Variants in CFAP74 observed in about 807,000 individuals in gnomAD.
The protein encoded by CFAP74 is cilia- and flagella-associated protein 74.
Under a neutral mutation model 188.9 loss-of-function variants are expected in CFAP74, and 124 were observed. The ratio of observed to expected loss-of-function variants is 0.66; its 90% CI spans 0.57 to 0.76. The LOEUF (loss-of-function observed/expected upper bound fraction) is 0.76, where lower values mean the gene tolerates loss of function less well. Ranked by LOEUF, CFAP74 falls within the 30% of genes least tolerant of loss-of-function variation. The pLI is 0.00. For missense variants in CFAP74, 2,198 were observed against 2,165.2 expected (o/e 1.02, Z -0.30); for synonymous variants, 956 against 916.7 (o/e 1.04, Z -0.77).
At chr1:1,991,867 A>G (rs6605078) in intron 1 of CFAP74, among the ~76,000 whole-genome samples, 137,036 of 151,492 alleles carry the variant, frequency 0.9, 62,200 homozygotes, top group African/African-American at 0.97. Context: ...GTGAAACCCC[A>G]TCTCTACTAA....
intron 1 of CFAP74, among the ~76,000 whole-genome samples, chr1:2,002,683 T>A (rs556761279): frequency 8.7e-5 from 13 of 150,158 alleles, no homozygotes; most frequent in African/African-American, 3.2e-4. Flanking sequence ...AAAACAAAAA[T>A]TTAAAGAATA....
rs137997736 is a variant in CFAP74, at chr1:1,923,136, C to G, written c.4532G>C (p.Arg1511Pro). The G allele has an allele frequency of 6.2e-7, 1 of 1,608,048 alleles. No individual in the cohort carries two copies. Among genetic ancestry groups the G allele is most frequent in the African/African-American group, 1.3e-5 (1 of 74,578 alleles). The change falls in exon 37 of 39, where the codon CGG becomes CCG. Residue 1511 changes from arginine to proline, a missense_variant. Transcript: ENST00000682832. This position sits in a 1 kb window ranked among gnomAD's most constrained non-coding sequence, Gnocchi z 6.3. ...FDPRHREASS[R>P]PGPLSPEAEE... The stretch of plus-strand genomic sequence containing the variant: ...AGCTTCTGGAGAGAGAGGGCCTGGC[C>G]GGGAGCTGGCTGGAGGGGTGTGGCC...
chr1:1,974,084 C>G lies in CFAP74; in HGVS notation c.615G>C (p.Gln205His). Residue 205 changes from glutamine (Q) to histidine (H), a missense_variant, in exon 7 of 39, where the codon CAG becomes CAC. By Grantham distance (24) the Gln-to-His change is conservative. Transcript: ENST00000682832. ...GRRLQVRAAE[Q>H]LCREQEALGK... ...CCAGGGCCTCCTGCTCTCTGCAGAGCTGCTCGGCTGCGCGCACCTGGAGCC... is the reference window on the plus strand; with the variant it reads ...CCAGGGCCTCCTGCTCTCTGCAGAGGTGCTCGGCTGCGCGCACCTGGAGCC... 6.2e-7 allele frequency: 1 copy of G among 1,611,932 alleles called. No individual in the cohort carries two copies. The highest frequency in any genetic ancestry group is 8.5e-7 in the Non-Finnish European group (1 of 1,178,902).
chr1:1,967,028 G>A (rs1407262682), intron 11 of CFAP74, among the ~76,000 whole-genome samples: 1 of 152,118 alleles, frequency 6.6e-6, no homozygotes, highest in Non-Finnish European at 1.5e-5. Flanking sequence ...AGTAGAGATG[G>A]GGTTTCACTA....
intron 1 of CFAP74, among the ~76,000 whole-genome samples, chr1:2,000,118 C>T (rs919334944): frequency 1.3e-5 from 2 of 151,292 alleles, no homozygotes; most frequent in Non-Finnish European, 2.9e-5. Flanking sequence ...GAGCTGAGAT[C>T]GTGCCACTGC....
At chr1:1,969,774 C>T (rs552341620) in intron 10 of CFAP74, among the ~76,000 whole-genome samples, 16 of 152,160 alleles carry the variant, frequency 1.1e-4, no homozygotes, top group East Asian at 1.9e-4. Context: ...GTGGGGAGGA[C>T]GCACTCAGGG....
At chr1:1,947,440 G>C (rs1558012926) in intron 18 of CFAP74, among the ~76,000 whole-genome samples, 2 of 152,222 alleles carry the variant, frequency 1.3e-5, no homozygotes. Flanking sequence ...GTAGCGTACT[G>C]TTCCCTACGG....
Position 1,973,990 on chromosome 1 carries a change from G to A in CFAP74, c.674+35C>T. 1 of 1,497,192 alleles carries A rather than the reference G, an allele frequency of 6.7e-7. No homozygotes were observed. Among genetic ancestry groups the A allele is most frequent in the Non-Finnish European group, 8.9e-7 (1 of 1,117,836 alleles). The allele number at this position is 1,497,192 out of a possible 1,614,324, so 92.7% of individuals were successfully genotyped here. A position where few individuals can be genotyped will look rare whatever the true frequency, so the allele number is the denominator to read the frequency against. Reference sequence around the variant, plus strand: ...GGCGGAGGGGCTGGCAGAAGCTGCTGGGAAGGGATGGAGGTGGGCCTGGGT... The same window carrying A: ...GGCGGAGGGGCTGGCAGAAGCTGCTAGGAAGGGATGGAGGTGGGCCTGGGT... On this transcript the variant is annotated intron_variant, in intron 7 of 38. Transcript: ENST00000682832. The surrounding 1 kb of genome is among the most constrained non-coding windows in gnomAD (Gnocchi z 6.2).
chr1:1,941,351 G>A (rs563551183), intron 22 of CFAP74, among the ~76,000 whole-genome samples: 3 of 152,322 alleles, frequency 2.0e-5, no homozygotes, highest in African/African-American at 7.2e-5. Flanking sequence ...GATGCTGAGG[G>A]CAGCTCTGGG....
chr1:1,927,430 G>C (rs1651995371), intron 28 of CFAP74, 177 bp downstream of exon 28: 1 of 648,256 alleles, frequency 1.5e-6, no homozygotes, highest in East Asian at 2.8e-5. Context: ...GGGGAAATGG[G>C]GTGGGTAGGT....
Position 1,938,838 on chromosome 1 carries a change from C to T in CFAP74, c.3011+17G>A, listed in dbSNP as rs1173641904. ...GCACTCCAGGCCCCCTGCGTCCCCT[C>T]TCCCTGGCAGGCTCACCGGTTGATC... On this transcript the variant is annotated intron_variant, in intron 25 of 38. Transcript: ENST00000682832. 1.6e-5 allele frequency: 25 copies of T among 1,535,476 alleles called. No individual in the cohort carries two copies. The highest frequency in any genetic ancestry group is 1.9e-5 in the Non-Finnish European group (22 of 1,146,482).
chr1:1,997,375 T>C (rs1657973391), intron 1 of CFAP74, among the ~76,000 whole-genome samples: 1 of 151,286 alleles, frequency 6.6e-6, no homozygotes, highest in South Asian at 2.1e-4. Context: ...TGAGCTGAGA[T>C]TGAGCCACTG....
chr1:1,991,835 C>G (rs6662056), intron 1 of CFAP74, among the ~76,000 whole-genome samples: 65 of 151,658 alleles, frequency 4.3e-4, no homozygotes, highest in South Asian at 6.3e-4. Flanking sequence ...GTCAGGAGAT[C>G]GAGACTATCC....
rs1319482580 is a variant in CFAP74, at chr1:1,942,915, G to A, written c.2487-759C>T. ...GTGCTTCCATGCGACAGTCACCCAT[G>A]CTGTGGCAGCCTCATCTCCGTCCAT... On this transcript the variant is annotated intron_variant, in intron 21 of 38. Transcript: ENST00000682832. This position sits in a 1 kb window ranked among gnomAD's most constrained non-coding sequence, Gnocchi z 4.3. Among the ~76,000 whole-genome samples the A allele has an allele frequency of 6.6e-6, 1 of 152,170 alleles. No homozygotes were observed. Among genetic ancestry groups the A allele is most frequent in the African/African-American group, 2.4e-5 (1 of 41,444 alleles).
rs138454482 is a variant in CFAP74 at position 1,986,900 on chromosome 1, A to T, written c.395+37T>A. The stretch of plus-strand genomic sequence containing the variant: ...CCAGTGAACCTCCGGCCCTGACCTC[A>T]TGCCCGGTTCCCTGCCCCCTGGCGA... On this transcript the variant is annotated intron_variant, in intron 5 of 38. Transcript: ENST00000682832. 1,131 of 1,565,650 alleles carry T rather than the reference A, an allele frequency of 7.2e-4. 15 individuals are homozygous for T. In the African/African-American group the frequency reaches 0.013, roughly 19 times the overall value.
chr1:1,944,117 G>A (rs957365496), intron 21 of CFAP74, among the ~76,000 whole-genome samples: 3 of 152,202 alleles, frequency 2.0e-5, no homozygotes, highest in African/African-American at 7.2e-5. Flanking sequence ...GCCGTTCAGG[G>A]CCTGGACAGC....
chr1:1,955,950 G>T, intron 17 of CFAP74, 100 bp from the exon 18 acceptor site: 1 of 1,472,052 alleles, frequency 6.8e-7, no homozygotes, highest in Non-Finnish European at 9.0e-7. Context: ...TTGGGGGCTG[G>T]ACCCTGGCTC....
chr1:1,945,683 C>T (rs1037506480), intron 20 of CFAP74, among the ~76,000 whole-genome samples: 1 of 151,974 alleles, frequency 6.6e-6, no homozygotes, highest in Non-Finnish European at 1.5e-5. Flanking sequence ...CAAAAGTTAG[C>T]CAGGTGTGGT....
rs548831388 is a variant in CFAP74 at position 1,963,577 on chromosome 1, C to T, written c.1694+172G>A. Reference sequence around the variant, plus strand: ...GAAGGGAAATGGGCTCGGTCTCGGACGACTTTGACACAAGAAGACAGAGGA... The same window carrying T: ...GAAGGGAAATGGGCTCGGTCTCGGATGACTTTGACACAAGAAGACAGAGGA... On this transcript the variant is annotated intron_variant, in intron 14 of 38. Transcript: ENST00000682832. Among the ~76,000 whole-genome samples, 6 of 151,484 alleles carry T rather than the reference C, an allele frequency of 4.0e-5. No individual in the cohort carries two copies. In the East Asian group the frequency reaches 7.8e-4, roughly 20 times the overall value.
Sources: gnomAD v4.1 joint callset for allele counts (sites outside exome capture counted in the v4.1 genomes callset) on GRCh38, gnomAD v4.1.1 for gene constraint, Gnocchi (gnomAD v3.1) non-coding constraint, MANE v1.5 for transcripts, NCBI Gene and HGNC (gene_info 2026-07-23, HGNC 2026-07-21) for gene names.